LRRC75B: variants seen among roughly 807,000 people sequenced by gnomAD.
LRRC75B encodes leucine rich repeat containing 75B.
In LRRC75B, 20 loss-of-function variants were observed where a neutral mutation model predicts 16.5. The ratio of observed to expected loss-of-function variants is 1.21; its 90% CI spans 0.85 to 1.76. The LOEUF (loss-of-function observed/expected upper bound fraction) is 1.76, where lower values mean the gene tolerates loss of function less well. Among genes scored for constraint, LRRC75B ranks in the 40% most tolerant of loss-of-function variants. LRRC75B has a pLI of 0.00. For missense variants in LRRC75B, 406 were observed against 417.0 expected, an observed-to-expected ratio of 0.97 and a Z score of 0.23; for synonymous variants, 199 against 198.1, an observed-to-expected ratio of 1.00 and a Z score of -0.04.
chr22:24,590,063 A>C, intron 1 of LRRC75B, 114 bp from the exon 2 acceptor site: 5 of 1,255,204 alleles, frequency 4.0e-6, no homozygotes, highest in Non-Finnish European at 3.2e-6. Flanking sequence ...TCTCCTCCCT[A>C]AGGCTGGCTG....
rs2097061803 is a variant in LRRC75B, at chr22:24,585,821, A to G, written c.*65T>C. Reference sequence around the variant, plus strand: ...GGCCTGTGAGTCCTCCTTGACCTTCATCGCCCACTATCATGTGCTTGAGAG... The same window carrying G: ...GGCCTGTGAGTCCTCCTTGACCTTCGTCGCCCACTATCATGTGCTTGAGAG... On this transcript the variant is annotated 3_prime_UTR_variant, in exon 4 of 4. Coordinates refer to ENST00000318753, the MANE Select transcript of LRRC75B (RefSeq NM_207644.3). The G allele has an allele frequency of 2.0e-5, 28 of 1,428,064 alleles. No individual in the cohort carries two copies. Among genetic ancestry groups the G allele is most frequent in the Non-Finnish European group, 2.5e-5 (27 of 1,076,394 alleles). The allele number at this position is 1,428,064 out of a possible 1,614,324, so 88.5% of individuals were successfully genotyped here.
chr22:24,589,791 C>T, intron 2 of LRRC75B, 30 bp downstream of exon 2: 3 of 1,593,406 alleles, frequency 1.9e-6, no homozygotes, highest in Non-Finnish European at 2.6e-6. Flanking sequence ...CCACAGTGCC[C>T]AGCCCAGGGC....
At chr22:24,592,388 TGGGTCCTCTCTCCA>T (rs1326557043) in intron 1 of LRRC75B, 1 of 470,820 alleles carries the variant, frequency 2.1e-6, no homozygotes, top group South Asian at 1.5e-5. Flanking sequence ...AGACCAGCCC[TGGGTCCTCTCTCCA>T]GGGTCCACTG....
intron 3 of LRRC75B, among the ~76,000 whole-genome samples, chr22:24,587,295 C>T (rs900507069): frequency 1.3e-5 from 2 of 152,132 alleles, no homozygotes; most frequent in Non-Finnish European, 2.9e-5. Flanking sequence ...GGAGGGCTCC[C>T]CGTGTTTTCT....
intron 1 of LRRC75B, among the ~76,000 whole-genome samples, chr22:24,591,213 G>A (rs1057208714): frequency 6.6e-6 from 1 of 152,230 alleles, no homozygotes; most frequent in Non-Finnish European, 1.5e-5. Context: ...CTGAGTAGCT[G>A]GGATTGCAGG....
rs2045457951 is a variant in LRRC75B at position 24,588,253 on chromosome 22, T to C, written c.383A>G (p.Gln128Arg). 1 of 1,613,468 alleles carries C rather than the reference T, an allele frequency of 6.2e-7. No homozygotes were observed. Among genetic ancestry groups the C allele is most frequent in the East Asian group, 2.2e-5 (1 of 44,900 alleles). Reference protein sequence around the residue: ...IYHLTPHSKQQQGSSLRQRKT... With the variant: ...IYHLTPHSKQRQGSSLRQRKT... Reference sequence around the variant, plus strand: ...CCTCTGGCGCAGGCTGGACCCTTGCTGCTGCTTCGAGTGAGGGGTGAGGTG... The same window carrying C: ...CCTCTGGCGCAGGCTGGACCCTTGCCGCTGCTTCGAGTGAGGGGTGAGGTG... Residue 128 changes from glutamine to arginine, a missense_variant, in exon 3 of 4, where the codon CAG becomes CGG. Transcript: ENST00000318753.
chr22:24,587,994 G>A (rs1250656659), intron 3 of LRRC75B, among the ~76,000 whole-genome samples: 1 of 152,188 alleles, frequency 6.6e-6, no homozygotes, highest in East Asian at 1.9e-4. Flanking sequence ...ACCGTCCTGT[G>A]GGAAATGCCA....
rs188564146 is a variant in LRRC75B, at chr22:24,588,580, C to T, written c.307-251G>A. On this transcript the variant is annotated intron_variant, in intron 2 of 3. Coordinates refer to ENST00000318753, the MANE Select transcript of LRRC75B (RefSeq NM_207644.3). ...CCGCAGTGCCCGGCGGGAGGAAGCCCAGACAATGAGCCCTTGTTCCCTGTC... is the reference window on the plus strand; with the variant it reads ...CCGCAGTGCCCGGCGGGAGGAAGCCTAGACAATGAGCCCTTGTTCCCTGTC... 400 of 905,144 alleles carry T rather than the reference C, an allele frequency of 4.4e-4. 4 individuals are homozygous for T. The African/African-American group carries it at 6.0e-3, about 14-fold the overall frequency. 56.1% of individuals were successfully genotyped at this position (905,144 alleles called of 1,614,324 possible). A position where few individuals can be genotyped will look rare whatever the true frequency, so the allele number is the denominator to read the frequency against.
At chr22:24,592,581 T>A in intron 1 of LRRC75B, 1 of 479,544 alleles carries the variant, frequency 2.1e-6, no homozygotes. Flanking sequence ...ACAACCCCTC[T>A]CAAACCCCAA....
chr22:24,592,235 G>A, intron 1 of LRRC75B: 1 of 458,058 alleles, frequency 2.2e-6, no homozygotes, highest in South Asian at 1.6e-5. Flanking sequence ...TGTAGGAGCA[G>A]AGCCACCACC....
At chr22:24,592,512 C>T in intron 1 of LRRC75B, 1 of 439,730 alleles carries the variant, frequency 2.3e-6, no homozygotes. Flanking sequence ...CCCCTCCCAT[C>T]TTGCCAGGGC....
intron 1 of LRRC75B, among the ~76,000 whole-genome samples, chr22:24,590,521 T>C (rs1032658837): frequency 5.9e-5 from 9 of 152,164 alleles, no homozygotes; most frequent in African/African-American, 1.2e-4. Context: ...AGTGTTGTGC[T>C]GTGACACTGC....
Position 24,586,403 on chromosome 22 carries a change from C to G in LRRC75B, c.431G>C (p.Ser144Thr), listed in dbSNP as rs201864155. The G allele has an allele frequency of 2.1e-4, 346 of 1,610,792 alleles. No homozygotes were observed. The highest frequency in any genetic ancestry group is 2.7e-4 in the Non-Finnish European group (318 of 1,178,278). The part of the protein sequence containing the change: ...RQRKTQSCLK[S>T]SLQKTLLAGE... ...TGCCAGCAGAGTCTTCTGGAGGCTG[C>G]TCTTGAGGCTATGGGAGAGTGGCAG... Residue 144 changes from serine (S) to threonine (T), a missense_variant, in exon 4 of 4, where the codon AGC (serine) becomes ACC (threonine). Physicochemically the swap from Ser to Thr is moderately conservative, Grantham distance 58 (BLOSUM62 1). Transcript: ENST00000318753.
chr22:24,589,489 C>A (rs1432092382), intron 2 of LRRC75B: 2 of 589,584 alleles, frequency 3.4e-6, no homozygotes, highest in East Asian at 1.9e-4. Flanking sequence ...TTTCTCAGAA[C>A]AGTCTGTGAC....
chr22:24,587,391 C>T (rs2045427283), intron 3 of LRRC75B, among the ~76,000 whole-genome samples: 1 of 152,200 alleles, frequency 6.6e-6, no homozygotes, highest in African/African-American at 2.4e-5. Context: ...GAACAGAGCC[C>T]ACTAGGCAGA....
Position 24,588,278 on chromosome 22 carries a change from G to A in LRRC75B, c.358C>T (p.His120Tyr), listed in dbSNP as rs2147156702. 1 of 1,613,670 alleles carries A rather than the reference G, an allele frequency of 6.2e-7. No homozygotes were observed. Among genetic ancestry groups the A allele is most frequent in the Non-Finnish European group, 8.5e-7 (1 of 1,179,924 alleles). The change falls in exon 3 of 4, where the codon CAC becomes TAC. Residue 120 changes from histidine (H) to tyrosine (Y), a missense_variant. By Grantham distance (83) the His-to-Tyr change is moderately conservative (BLOSUM62 2). Coordinates refer to ENST00000318753, the MANE Select transcript of LRRC75B (RefSeq NM_207644.3). ...TGCTGCTTCGAGTGAGGGGTGAGGT[G>A]GTAGATGAGCTGTCGGCAGATCTTG... ...SDKICRQLIY[H>Y]LTPHSKQQQG... is the part of the protein sequence containing the mutation.
intron 2 of LRRC75B, chr22:24,589,227 G>T: frequency 4.0e-6 from 5 of 1,258,954 alleles, no homozygotes; most frequent in Non-Finnish European, 5.2e-6. Flanking sequence ...GCTCATGGCA[G>T]GACATCTGCA....
At position 24,588,081 on chromosome 22, in the gene LRRC75B, C is replaced by T. The variant is rs2045452193; in HGVS notation, c.422+133G>A. The T allele has an allele frequency of 5.8e-6, 4 of 693,636 alleles. No individual in the cohort carries two copies. The Admixed American group carries it at 9.0e-5, about 16-fold the overall frequency. The allele number at this position is 693,636 out of a possible 1,614,324, so 43.0% of individuals were successfully genotyped here. On this transcript the variant is annotated intron_variant, in intron 3 of 3. Coordinates refer to ENST00000318753, the MANE Select transcript of LRRC75B (RefSeq NM_207644.3). ...GGCCAGGCTGACTTCCAGGGTAGGG[C>T]CCTCATGCGGACCAGGTGAGGGCCT...
intron 2 of LRRC75B, 94 bp from the exon 3 acceptor site, chr22:24,588,423 T>G: frequency 1.0e-6 from 1 of 981,768 alleles, no homozygotes; most frequent in Non-Finnish European, 1.6e-6. Flanking sequence ...AGTGTGTGTG[T>G]GAGCACAGTC....
Sources: allele counts gnomAD v4.1 joint callset (sites outside exome capture counted in the v4.1 genomes callset), GRCh38; gene constraint gnomAD v4.1.1; transcripts MANE v1.5; gene names NCBI Gene and HGNC (gene_info 2026-07-23, HGNC 2026-07-21).